The following OXR1 variants were observed in gnomAD, a reference collection of about 807,000 sequenced individuals.
OXR1 encodes oxidation resistance 1.
In OXR1, 41 loss-of-function variants were observed where a neutral mutation model predicts 104.6. That is an observed-to-expected ratio of 0.39 (90% confidence interval 0.31 to 0.51). The LOEUF (loss-of-function observed/expected upper bound fraction) is 0.51. OXR1 is among the 20% of genes least tolerant of loss of function. OXR1 has a pLI of 0.77. For synonymous variants in OXR1, 348 were observed against 348.4 expected, an observed-to-expected ratio of 1.00 and a Z score of 0.01; for missense variants, 955 against 1,031.9, an observed-to-expected ratio of 0.93 and a Z score of 1.02.
At chr8:106,599,253 G>T (rs561600170) in intron 3 of OXR1, among the ~76,000 whole-genome samples, 1 of 152,282 alleles carries the variant, frequency 6.6e-6, no homozygotes, top group Admixed American at 6.5e-5. Context: ...CAGCACCTCA[G>T]ATGGTGAAAA....
At chr8:106,398,208 G>A (rs1817857774) in intron 2 of OXR1, among the ~76,000 whole-genome samples, 1 of 152,062 alleles carries the variant, frequency 6.6e-6, no homozygotes, top group Non-Finnish European at 1.5e-5. Flanking sequence ...GCTGAGCTGT[G>A]GTCTAGACTG....
intron 1 of OXR1, among the ~76,000 whole-genome samples, chr8:106,275,289 G>A (rs531880598): frequency 6.6e-6 from 1 of 152,302 alleles, no homozygotes; most frequent in African/African-American, 2.4e-5. Context: ...AATGATTATT[G>A]ATTTTGTTTG....
chr8:106,418,557 A>G lies in OXR1; in HGVS notation c.23+58921A>G, dbSNP rs141557875. ...CATTTTTTTTTAAGAGTGCTTTAAA[A>G]TAGATCTCAGTAATGGGATTCAGTA... On this transcript the variant is annotated intron_variant, in intron 2 of 16. Transcript: ENST00000517566. Among the ~76,000 whole-genome samples the G allele has an allele frequency of 4.4e-3, 675 of 152,146 alleles. 15 individuals carry two copies. Among genetic ancestry groups the G allele is most frequent in the Admixed American group, 0.035 (533 of 15,268 alleles).
intron 1 of OXR1, among the ~76,000 whole-genome samples, chr8:106,281,302 A>C (rs1812268974): frequency 6.6e-6 from 1 of 152,210 alleles, no homozygotes; most frequent in East Asian, 1.9e-4. Flanking sequence ...CAAATTGGAA[A>C]TAACCCAGAT....
intron 2 of OXR1, among the ~76,000 whole-genome samples, chr8:106,444,149 C>G (rs1819907509): frequency 6.6e-6 from 1 of 152,144 alleles, no homozygotes; most frequent in Non-Finnish European, 1.5e-5. Context: ...GAGATACCAT[C>G]TCATGCCAGT....
Position 106,651,329 on chromosome 8 carries a change from C to T in OXR1, c.221-27881C>T, listed in dbSNP as rs80186397. 5.5e-3 allele frequency among the ~76,000 whole-genome samples: 839 copies of T among 152,268 alleles called. 5 individuals are homozygous for T. Among genetic ancestry groups the T allele is most frequent in the African/African-American group, 0.018 (761 of 41,556 alleles). On this transcript the variant is annotated intron_variant, in intron 3 of 16. Transcript: ENST00000517566. Reference sequence around the variant, plus strand: ...GCCTTTGGTGTAATCTCTGAGTCCACTGCCAATTCCAAGATCATGAAGATT... The same window carrying T: ...GCCTTTGGTGTAATCTCTGAGTCCATTGCCAATTCCAAGATCATGAAGATT...
intron 11 of OXR1, among the ~76,000 whole-genome samples, chr8:106,725,830 T>C (rs1272967226): frequency 6.6e-6 from 1 of 152,190 alleles, no homozygotes; most frequent in Non-Finnish European, 1.5e-5. Flanking sequence ...AATAACAAAA[T>C]GTTCATTCAA....
chr8:106,320,938 C>T (rs1814190911), intron 1 of OXR1, among the ~76,000 whole-genome samples: 1 of 152,216 alleles, frequency 6.6e-6, no homozygotes, highest in Non-Finnish European at 1.5e-5. Context: ...TCCCAAAGTG[C>T]TGGGATTACA....
At chr8:106,368,635 G>A (rs2130367994) in intron 2 of OXR1, among the ~76,000 whole-genome samples, 1 of 151,924 alleles carries the variant, frequency 6.6e-6, no homozygotes, top group African/African-American at 2.4e-5. Context: ...TTGCTTATGA[G>A]TGAGAACACA....
chr8:106,435,743 GC>G (rs1322899187), intron 2 of OXR1, among the ~76,000 whole-genome samples: 5 of 151,910 alleles, frequency 3.3e-5, no homozygotes, highest in African/African-American at 9.7e-5. Context: ...TTCCTTCTTC[GC>G]CACCATAGCA....
intron 2 of OXR1, among the ~76,000 whole-genome samples, chr8:106,480,373 GAGA>G (rs1395269410): frequency 6.6e-6 from 1 of 151,960 alleles, no homozygotes; most frequent in Non-Finnish European, 1.5e-5. Context: ...GGCCTTGTGG[GAGA>G]AGGTTTTACT....
chr8:106,564,038 A>G (rs1315597375), intron 3 of OXR1, among the ~76,000 whole-genome samples: 3 of 152,226 alleles, frequency 2.0e-5, no homozygotes, highest in African/African-American at 7.2e-5. Context: ...AGAAAGCAGG[A>G]AAGACATTGA....
chr8:106,559,571 A>G (rs1816527303), intron 3 of OXR1, among the ~76,000 whole-genome samples: 1 of 152,216 alleles, frequency 6.6e-6, no homozygotes, highest in East Asian at 1.9e-4. Context: ...AATAAAAAAC[A>G]ATACTGTAAA....
intron 2 of OXR1, among the ~76,000 whole-genome samples, chr8:106,436,350 G>C (rs754299220): frequency 2.6e-5 from 4 of 152,022 alleles, no homozygotes; most frequent in Non-Finnish European, 5.9e-5. Flanking sequence ...AGCATATCCA[G>C]GTTTCAAACA....
chr8:106,597,657 C>T (rs1181018258), intron 3 of OXR1, among the ~76,000 whole-genome samples: 1 of 152,144 alleles, frequency 6.6e-6, no homozygotes, highest in African/African-American at 2.4e-5. Flanking sequence ...TTCGTTATAA[C>T]TCATTGAGAC....
chr8:106,590,047 A>G (rs1410840508), intron 3 of OXR1, among the ~76,000 whole-genome samples: 2 of 152,200 alleles, frequency 1.3e-5, no homozygotes, highest in Non-Finnish European at 2.9e-5. Flanking sequence ...GATACTTGAT[A>G]AAAATTCCCA....
At chr8:106,693,910 T>C (rs1829563996) in intron 7 of OXR1, among the ~76,000 whole-genome samples, 1 of 152,184 alleles carries the variant, frequency 6.6e-6, no homozygotes, top group Non-Finnish European at 1.5e-5. Context: ...TGAAGTATAA[T>C]TCATAAATTT....
intron 1 of OXR1, among the ~76,000 whole-genome samples, chr8:106,324,415 G>T (rs1260680700): frequency 6.6e-6 from 1 of 150,964 alleles, no homozygotes; most frequent in East Asian, 1.9e-4. Flanking sequence ...TGGGTACTGG[G>T]TTTAATACAT....
At chr8:106,397,890 A>T (rs1817845126) in intron 2 of OXR1, among the ~76,000 whole-genome samples, 1 of 152,142 alleles carries the variant, frequency 6.6e-6, no homozygotes, top group African/African-American at 2.4e-5. Flanking sequence ...CACAAGCCAA[A>T]ATCAAGATGT....
Sources: gnomAD v4.1 joint callset for allele counts (sites outside exome capture counted in the v4.1 genomes callset) on GRCh38, gnomAD v4.1.1 for gene constraint, MANE v1.5 for transcripts, NCBI Gene and HGNC (gene_info 2026-07-23, HGNC 2026-07-21) for gene names.